Variants in PDE8B observed in about 807,000 individuals in gnomAD.
The protein encoded by PDE8B is high affinity cAMP-specific and IBMX-insensitive 3',5'-cyclic phosphodiesterase 8B.
In PDE8B, 26 loss-of-function variants were observed where a neutral mutation model predicts 101.3. The ratio of observed to expected loss-of-function variants is 0.26; its 90% CI spans 0.19 to 0.36. The LOEUF is 0.36. Among genes scored for constraint, PDE8B ranks in the 10% least tolerant of loss-of-function variants. The pLI, the probability that PDE8B is intolerant of heterozygous loss-of-function variation, is 1.00. For synonymous variants in PDE8B, 424 were observed against 429.3 expected (o/e 0.99, Z 0.15); for missense variants, 810 against 1,163.1 (o/e 0.70, Z 4.42).
At chr5:77,359,044 C>T (rs891919439) in intron 10 of PDE8B, among the ~76,000 whole-genome samples, 45 of 152,206 alleles carry the variant, frequency 3.0e-4, no homozygotes, top group Middle Eastern at 3.4e-3. Context: ...TTGGAACAGC[C>T]AACCCCCGAG....
intron 2 of PDE8B, among the ~76,000 whole-genome samples, chr5:77,315,166 T>C (rs1773536413): frequency 1.3e-5 from 2 of 152,220 alleles, no homozygotes; most frequent in African/African-American, 4.8e-5. Flanking sequence ...TAATTTTTCA[T>C]TTTGAAGAAA....
At chr5:77,206,072 A>G (rs908070305), upstream of PDE8B, among the ~76,000 whole-genome samples, 2 of 142,970 alleles carry the variant, frequency 1.4e-5, no homozygotes, top group Non-Finnish European at 2.9e-5. Flanking sequence ...ATAAAACTCT[A>G]TTAAAAACAA....
chr5:77,221,611 G>A (rs555187763), intron 1 of PDE8B, among the ~76,000 whole-genome samples: 1 of 152,280 alleles, frequency 6.6e-6, no homozygotes, highest in South Asian at 2.1e-4. Context: ...TTGTAAAATG[G>A]TGATATGCTA....
At chr5:77,420,150 A>G (rs1250351447) in intron 19 of PDE8B, among the ~76,000 whole-genome samples, 1 of 152,226 alleles carries the variant, frequency 6.6e-6, no homozygotes, top group African/African-American at 2.4e-5. Context: ...ATATGGAAGG[A>G]GACGCAGACG....
At chr5:77,419,979 T>A in intron 19 of PDE8B, 92 bp downstream of exon 19, 1 of 1,425,476 alleles carries the variant, frequency 7.0e-7, no homozygotes, top group Non-Finnish European at 9.9e-7. Context: ...CCCACTCAAA[T>A]GTAAGGTGGT....
chr5:77,100,197 G>C, the PDE8B span: 3 of 152,198 alleles, frequency 2.0e-5, no homozygotes, highest in Admixed American at 6.5e-5. Context: ...GATCCAGGCA[G>C]GACTCACTCA....
chr5:77,147,509 ATTG>A, the PDE8B span: 11 of 152,486 alleles, frequency 7.2e-5, no homozygotes, highest in African/African-American at 2.2e-4. Flanking sequence ...ATATGAAATA[ATTG>A]TTGTTTTGTT....
At chr5:77,200,569 A>ATTTTG in the PDE8B span, among the ~76,000 whole-genome samples, 1 of 151,950 alleles carries the variant, frequency 6.6e-6, no homozygotes, top group Non-Finnish European at 1.5e-5. Context: ...TTTTTAAAAA[A>ATTTTG]TTTTGTTTTG....
At chr5:77,218,930 A>G (rs1750426835) in intron 1 of PDE8B, among the ~76,000 whole-genome samples, 1 of 152,236 alleles carries the variant, frequency 6.6e-6, no homozygotes, top group Non-Finnish European at 1.5e-5. Context: ...TGGCCAATAG[A>G]TGACTAACTG....
At position 77,322,402 on chromosome 5, in the gene PDE8B, A is replaced by G. The variant is rs552533872; in HGVS notation, c.400-3137A>G. On this transcript the variant is annotated intron_variant, in intron 2 of 21. Coordinates refer to ENST00000264917, the MANE Select transcript of PDE8B (RefSeq NM_003719.5). ...CAATTAATACAGCTGTCCACCTTCA[A>G]TCAGTTTTGTGAGTTTCCATGTGAA... 8.5e-5 allele frequency among the ~76,000 whole-genome samples: 13 copies of G among 152,284 alleles called. No individual in the cohort carries two copies. In the East Asian group the frequency reaches 1.2e-3, roughly 14 times the overall value.
chr5:77,120,763 C>T, the PDE8B span, among the ~76,000 whole-genome samples: 23 of 152,322 alleles, frequency 1.5e-4, no homozygotes, highest in South Asian at 3.1e-3. Flanking sequence ...CTGTCAGGAC[C>T]GTTGAGGAGT....
chr5:77,158,798 C>T, the PDE8B span, among the ~76,000 whole-genome samples: 1 of 152,172 alleles, frequency 6.6e-6, no homozygotes, highest in Non-Finnish European at 1.5e-5. Context: ...GCAGGGAAGA[C>T]AGATCCCACT....
chr5:77,216,497 AG>A (rs35968667), intron 1 of PDE8B, among the ~76,000 whole-genome samples: 1 of 152,142 alleles, frequency 6.6e-6, no homozygotes, highest in South Asian at 2.1e-4. Flanking sequence ...GAGAACAGTA[AG>A]GGGGGAACTG....
At chr5:77,422,430 T>C (rs910330825) in intron 20 of PDE8B, among the ~76,000 whole-genome samples, 1 of 152,056 alleles carries the variant, frequency 6.6e-6, no homozygotes, top group Non-Finnish European at 1.5e-5. Flanking sequence ...ATGAAGTGTA[T>C]CTCAAGGAAG....
At chr5:77,372,541 T>C (rs76759199) in intron 10 of PDE8B, among the ~76,000 whole-genome samples, 18,769 of 152,246 alleles carry the variant, frequency 0.12, 1,337 homozygotes, top group East Asian at 0.26. Flanking sequence ...CCTGTGAAGG[T>C]ATCGTGGCCT....
At chr5:77,425,643 C>T in intron 20 of PDE8B, 124 bp from the exon 21 acceptor site, 1 of 959,130 alleles carries the variant, frequency 1.0e-6, no homozygotes, top group Non-Finnish European at 1.7e-6. Flanking sequence ...CCTTGCTGAG[C>T]CTATTTCTTC....
chr5:77,187,475 GA>G, the PDE8B span, among the ~76,000 whole-genome samples: 18 of 149,832 alleles, frequency 1.2e-4, no homozygotes, highest in South Asian at 8.5e-4. Context: ...ATCTATAGAT[GA>G]AAAAAAAAAT....
intron 17 of PDE8B, 133 bp downstream of exon 17, chr5:77,413,442 C>T (rs1183082322): frequency 2.0e-5 from 15 of 747,524 alleles, no homozygotes; most frequent in East Asian, 2.7e-5. Context: ...ATTTTGTTAC[C>T]AAATTGACTA....
chr5:77,365,050 C>T (rs1236480082), intron 10 of PDE8B, among the ~76,000 whole-genome samples: 1 of 152,158 alleles, frequency 6.6e-6, no homozygotes, highest in Non-Finnish European at 1.5e-5. Context: ...TGGCGGAAAT[C>T]CCTACAGGAG....
Sources: gnomAD v4.1 joint callset for allele counts (sites outside exome capture counted in the v4.1 genomes callset) on GRCh38, gnomAD v4.1.1 for gene constraint, MANE v1.5 for transcripts, NCBI Gene and HGNC (gene_info 2026-07-23, HGNC 2026-07-21) for gene names.